The following GTSE1 variants were observed in gnomAD, a reference collection of about 807,000 sequenced individuals.
GTSE1 encodes G2 and S phase-expressed protein 1.
In GTSE1, 52 loss-of-function variants were observed where a neutral mutation model predicts 60.5. The observed-to-expected ratio is 0.86, with a 90% CI of 0.69 to 1.08. GTSE1 has a LOEUF of 1.08. Among genes scored for constraint, GTSE1 ranks in the 50% least tolerant of loss-of-function variants. The pLI is 0.00. For missense variants in GTSE1, 937 were observed against 961.8 expected (o/e 0.97, Z 0.34); for synonymous variants, 368 against 386.5 (o/e 0.95, Z 0.56).
chr22:46,306,075 C>G (rs939692189), intron 2 of GTSE1, among the ~76,000 whole-genome samples: 7 of 152,108 alleles, frequency 4.6e-5, no homozygotes, highest in Non-Finnish European at 8.8e-5. Context: ...CTGACTTCTC[C>G]TTGATTAGGT....
In GTSE1 at chr22:46,326,573, C is replaced by T. The variant is rs574238185; in HGVS notation, c.1643C>T (p.Thr548Met). The part of the protein sequence containing the change: ...CSGLPPMTPK[T>M]MPRAVGSPLC... ...GGCCTTCCACCGATGACCCCCAAAA[C>T]GATGCCCAGGGCCGTGGGCTCTCCC... Residue 548 changes from threonine (T) to methionine (M), a missense_variant, in exon 9 of 12, where the codon ACG (threonine) becomes ATG (methionine). Coordinates refer to ENST00000454366, the MANE Select transcript of GTSE1 (RefSeq NM_016426.7). 8 of 1,614,160 alleles carry T rather than the reference C, an allele frequency of 5.0e-6. No individual in the cohort carries two copies. Among genetic ancestry groups the T allele is most frequent in the Admixed American group, 1.7e-5 (1 of 60,020 alleles).
In GTSE1 at chr22:46,324,528, C is replaced by T. The variant is rs190274082; in HGVS notation, c.1505+1266C>T. Among the ~76,000 whole-genome samples the T allele has an allele frequency of 5.0e-4, 76 of 152,088 alleles. No individual in the cohort carries two copies. Among genetic ancestry groups the T allele is most frequent in the African/African-American group, 1.4e-3 (59 of 41,498 alleles). The stretch of plus-strand genomic sequence containing the variant: ...GACTACAGGCGCCCGCCACCACGCC[C>T]GGCTAAGTTTTTGTATTTTTAGTAG... On this transcript the variant is annotated intron_variant, in intron 8 of 11. Coordinates refer to ENST00000454366, the MANE Select transcript of GTSE1 (RefSeq NM_016426.7). This position sits in a 1 kb window ranked among gnomAD's most constrained non-coding sequence, Gnocchi z 5.2.
Position 46,329,673 on chromosome 22 carries a change from A to G in GTSE1, c.2136+106A>G, listed in dbSNP as rs562637376. The G allele has an allele frequency of 2.4e-5, 20 of 848,582 alleles. No individual in the cohort carries two copies. The African/African-American group carries it at 2.8e-4, about 12-fold the overall frequency. 52.6% of individuals were successfully genotyped at this position (848,582 alleles called of 1,614,324 possible). A position where few individuals can be genotyped will look rare whatever the true frequency, so the allele number is the denominator to read the frequency against. On this transcript the variant is annotated intron_variant, in intron 11 of 11. Coordinates refer to ENST00000454366, the MANE Select transcript of GTSE1 (RefSeq NM_016426.7). This position sits in a 1 kb window ranked among gnomAD's most constrained non-coding sequence, Gnocchi z 6.4. ...GTGGGACCCTTGAGAGTGGCTGTTG[A>G]GTCTTCTCAGCTACACACCTCAGGG...
Position 46,319,349 on chromosome 22 carries a change from T to C in GTSE1, c.1432+2937T>C, listed in dbSNP as rs541913006. ...GGCCGAAGAGTGGTGGGGAGGGTAA[T>C]GCGGACCTGGCCCTCACTGTGTTGG... is the stretch of plus-strand genomic sequence containing the variant. On this transcript the variant is annotated intron_variant, in intron 7 of 11. Coordinates refer to ENST00000454366, the MANE Select transcript of GTSE1 (RefSeq NM_016426.7). This position sits in a 1 kb window ranked among gnomAD's most constrained non-coding sequence, Gnocchi z 5.0. Among the ~76,000 whole-genome samples, 1 of 152,092 alleles carries C rather than the reference T, an allele frequency of 6.6e-6. No individual in the cohort carries two copies. The highest frequency in any genetic ancestry group is 1.9e-4 in the East Asian group (1 of 5,158).
rs1293040839 is a variant in GTSE1, at chr22:46,308,947, A to T, written c.762+4A>T. ...CATCCCTGGGGCTGCGGAGAAGGTA[A>T]ATGCCACAGCAGAGCGCCTGCCTGG... On this transcript the variant is annotated splice_donor_region_variant and intron_variant, in intron 4 of 11. Coordinates refer to ENST00000454366, the MANE Select transcript of GTSE1 (RefSeq NM_016426.7). The T allele has an allele frequency of 6.2e-6, 10 of 1,605,984 alleles. No homozygotes were observed. Among genetic ancestry groups the T allele is most frequent in the Non-Finnish European group, 8.5e-6 (10 of 1,175,622 alleles).
chr22:46,312,656 A>C (rs1362689382), intron 5 of GTSE1, among the ~76,000 whole-genome samples: 1 of 150,176 alleles, frequency 6.7e-6, no homozygotes, highest in Non-Finnish European at 1.5e-5. Context: ...AAAAAAAAAA[A>C]GAGGTGGAAA....
intron 2 of GTSE1, among the ~76,000 whole-genome samples, chr22:46,301,536 G>A (rs2077689267): frequency 6.6e-6 from 1 of 150,452 alleles, no homozygotes; most frequent in South Asian, 2.1e-4. Flanking sequence ...CCCCTAGGCT[G>A]GAGTGCAATG....
At position 46,329,199 on chromosome 22, in the gene GTSE1, G is replaced by T; in HGVS notation, c.1927-159G>T. Reference sequence around the variant, plus strand: ...AGGTGGGCAACAGTCAGAGAGGCACGGCCCACCCCATACAGAGCCTCCTTC... The same window carrying T: ...AGGTGGGCAACAGTCAGAGAGGCACTGCCCACCCCATACAGAGCCTCCTTC... On this transcript the variant is annotated intron_variant, in intron 10 of 11. Transcript: ENST00000454366. The surrounding 1 kb of genome is among the most constrained non-coding windows in gnomAD (Gnocchi z 6.4). 1 of 713,568 alleles carries T rather than the reference G, an allele frequency of 1.4e-6. No homozygotes were observed. The highest frequency in any genetic ancestry group is 2.5e-6 in the Non-Finnish European group (1 of 401,228). The allele number at this position is 713,568 out of a possible 1,614,324, so 44.2% of individuals were successfully genotyped here.
At chr22:46,303,384 C>T (rs2077700248) in intron 2 of GTSE1, among the ~76,000 whole-genome samples, 1 of 152,162 alleles carries the variant, frequency 6.6e-6, no homozygotes. Flanking sequence ...CTGTTGATTG[C>T]TCTGTAATGA....
chr22:46,328,927 G>A, intron 10 of GTSE1, 38 bp downstream of exon 10: 2 of 1,508,730 alleles, frequency 1.3e-6, no homozygotes, highest in Non-Finnish European at 9.2e-7. Context: ...TGTTAGCTGA[G>A]ATTCCTGGAG....
At position 46,297,416 on chromosome 22, in the gene GTSE1, G is replaced by A. The variant is rs760512355; in HGVS notation, c.16G>A (p.Gly6Ser). Residue 6 changes from glycine to serine, a missense_variant, in exon 2 of 12, where the codon GGC (glycine) becomes AGC (serine). Transcript: ENST00000454366. The surrounding 1 kb of genome is among the most constrained non-coding windows in gnomAD (Gnocchi z 4.9). ...AGCTCTCTCCATGGAAGGAGGCGGCGGCCGCGATGAGCCTTCAGCCTGCCG... is the reference window on the plus strand; with the variant it reads ...AGCTCTCTCCATGGAAGGAGGCGGCAGCCGCGATGAGCCTTCAGCCTGCCG... MEGGG[G>S]RDEPSACRAG... The A allele has an allele frequency of 2.8e-5, 45 of 1,613,602 alleles. No homozygotes were observed. The Admixed American group carries it at 6.8e-4, about 25-fold the overall frequency.
Position 46,316,464 on chromosome 22 carries a change from C to A in GTSE1, c.1432+52C>A. On this transcript the variant is annotated intron_variant, in intron 7 of 11. Coordinates refer to ENST00000454366, the MANE Select transcript of GTSE1 (RefSeq NM_016426.7). The surrounding 1 kb of genome is among the most constrained non-coding windows in gnomAD (Gnocchi z 5.0). ...TCTTTAAAAAATACTGAAGAAATTG[C>A]ATTTAAAGTTTTAAACAATTATTGA... 2 of 1,189,036 alleles carry A rather than the reference C, an allele frequency of 1.7e-6. No individual in the cohort carries two copies. The highest frequency in any genetic ancestry group is 2.4e-6 in the Non-Finnish European group (2 of 838,982). The allele number at this position is 1,189,036 out of a possible 1,614,324, so 73.7% of individuals were successfully genotyped here.
At chr22:46,322,906 G>A (rs1384460952) in intron 7 of GTSE1, among the ~76,000 whole-genome samples, 3 of 152,330 alleles carry the variant, frequency 2.0e-5, no homozygotes, top group Admixed American at 6.5e-5. Context: ...TATACAGCCA[G>A]GGTGGGGCGG....
intron 2 of GTSE1, among the ~76,000 whole-genome samples, chr22:46,302,396 A>G (rs2077694259): frequency 6.6e-6 from 1 of 152,082 alleles, no homozygotes; most frequent in East Asian, 1.9e-4. Flanking sequence ...ATTTTCTGAG[A>G]CATGTTCTTG....
At chr22:46,308,974 G>A (rs1308605497) in intron 4 of GTSE1, 31 bp downstream of exon 4, 1 of 1,579,024 alleles carries the variant, frequency 6.3e-7, no homozygotes, top group South Asian at 1.2e-5. Flanking sequence ...CCTGCCTGGG[G>A]AGCCCCCACT....
Position 46,328,770 on chromosome 22 carries a change from C to G in GTSE1, c.1807C>G (p.Arg603Gly). 6.2e-7 allele frequency: 1 copy of G among 1,613,374 alleles called. No homozygotes were observed. Among genetic ancestry groups the G allele is most frequent in the Non-Finnish European group, 8.5e-7 (1 of 1,179,268 alleles). ...CCCTGACAGGGGTTCTCCTCCTTCC[C>G]GTGTGCCTCAGGCACTTAACTTTTC... ...VSPDRGSPPS[R>G]VPQALNFSPE... The change falls in exon 10 of 12, where the codon CGT becomes GGT. Residue 603 changes from arginine to glycine, a missense_variant. By Grantham distance (125) the Arg-to-Gly change is moderately radical. Coordinates refer to ENST00000454366, the MANE Select transcript of GTSE1 (RefSeq NM_016426.7).
chr22:46,308,983 C>A, intron 4 of GTSE1, 40 bp downstream of exon 4: 1 of 1,564,946 alleles, frequency 6.4e-7, no homozygotes, highest in Non-Finnish European at 8.7e-7. Context: ...GGAGCCCCCA[C>A]TCCTTGCCCC....
In GTSE1 at chr22:46,317,582, G is replaced by A. The variant is rs912149751; in HGVS notation, c.1432+1170G>A. 6.6e-6 allele frequency among the ~76,000 whole-genome samples: 1 copy of A among 152,156 alleles called. No homozygotes were observed. The highest frequency in any genetic ancestry group is 1.5e-5 in the Non-Finnish European group (1 of 68,026). On this transcript the variant is annotated intron_variant, in intron 7 of 11. Coordinates refer to ENST00000454366, the MANE Select transcript of GTSE1 (RefSeq NM_016426.7). The surrounding 1 kb of genome is among the most constrained non-coding windows in gnomAD (Gnocchi z 5.6). ...TTTCACAAGTTTTTCTTGGTTGTTG[G>A]ATATTGTCAGGTGTACACTTTTGAA...
At position 46,329,528 on chromosome 22, in the gene GTSE1, G is replaced by A. The variant is rs781003001; in HGVS notation, c.2097G>A (p.Met699Ile). 3.1e-6 allele frequency: 5 copies of A among 1,614,060 alleles called. No individual in the cohort carries two copies. In the African/African-American group the frequency reaches 4.0e-5, roughly 13 times the overall value. ...LIDLMTNTPD[M>I]NKNVAKPSPV... ...ACCTCATGACAAACACTCCAGACAT[G>A]AATAAAAATGTGGCCAAACCTTCAC... Residue 699 changes from methionine (M) to isoleucine (I), a missense_variant, in exon 11 of 12, where the codon ATG becomes ATA. Transcript: ENST00000454366. This position sits in a 1 kb window ranked among gnomAD's most constrained non-coding sequence, Gnocchi z 6.4.
Sources: allele counts gnomAD v4.1 joint callset (sites outside exome capture counted in the v4.1 genomes callset), GRCh38; gene constraint gnomAD v4.1.1; non-coding constraint Gnocchi (gnomAD v3.1); transcripts MANE v1.5; gene names NCBI Gene and HGNC (gene_info 2026-07-23, HGNC 2026-07-21).